The following SLIT3 variants were observed in gnomAD, a reference collection of about 807,000 sequenced individuals.
SLIT3 encodes slit guidance ligand 3.
A neutral mutation model predicts 184.0 loss-of-function variants in SLIT3; 68 were observed. The observed-to-expected ratio is 0.37, with a 90% CI of 0.30 to 0.45. The LOEUF is 0.45. SLIT3 is among the 20% of genes least tolerant of loss of function. The pLI, the probability that SLIT3 is intolerant of heterozygous loss-of-function variation, is 1.00. For missense variants in SLIT3, 1,707 were observed against 2,026.0 expected (o/e 0.84, Z 3.02); for synonymous variants, 831 against 828.6 (o/e 1.00, Z -0.05).
chr5:168,822,983 A>G (rs146498465), intron 7 of SLIT3, among the ~76,000 whole-genome samples: 1 of 152,240 alleles, frequency 6.6e-6, no homozygotes, highest in African/African-American at 2.4e-5. Context: ...AAACATGCAC[A>G]CAACACAGGA....
intron 3 of SLIT3, among the ~76,000 whole-genome samples, chr5:169,229,278 G>GT (rs1007428554): frequency 2.0e-5 from 3 of 151,964 alleles, no homozygotes; most frequent in Admixed American, 1.3e-4. Flanking sequence ...CTAAAATCTA[G>GT]TTTTTTTGAT....
At chr5:168,887,159 T>C (rs10063321) in intron 4 of SLIT3, among the ~76,000 whole-genome samples, 133,513 of 151,966 alleles carry the variant, frequency 0.88, 59,961 homozygotes, top group Non-Finnish European at 0.96. Flanking sequence ...GCTTTGTTCT[T>C]GGAGGAGCAG....
intron 2 of SLIT3, among the ~76,000 whole-genome samples, chr5:169,250,168 G>A (rs1765724389): frequency 6.6e-6 from 1 of 152,124 alleles, no homozygotes; most frequent in Non-Finnish European, 1.5e-5. Context: ...CGCACCTCTG[G>A]TTTCCTCTGC....
At chr5:168,769,643 T>C (rs1306005370) in intron 14 of SLIT3, among the ~76,000 whole-genome samples, 1 of 152,190 alleles carries the variant, frequency 6.6e-6, no homozygotes, top group East Asian at 1.9e-4. Context: ...GTTCTGGGAC[T>C]TCAAATGTGA....
chr5:168,762,303 C>G (rs1305450885), intron 15 of SLIT3, among the ~76,000 whole-genome samples: 2 of 152,168 alleles, frequency 1.3e-5, no homozygotes, highest in African/African-American at 4.8e-5. Flanking sequence ...TGCCGGCTCA[C>G]AGTAGGTGTT....
At chr5:169,065,213 A>G (rs979030235) in intron 4 of SLIT3, among the ~76,000 whole-genome samples, 2 of 152,238 alleles carry the variant, frequency 1.3e-5, no homozygotes, top group Non-Finnish European at 2.9e-5. Context: ...TGCCCTTTTC[A>G]AACCTGCTTC....
At chr5:169,218,316 C>T (rs183940178) in intron 3 of SLIT3, among the ~76,000 whole-genome samples, 16 of 152,308 alleles carry the variant, frequency 1.1e-4, no homozygotes, top group Admixed American at 9.1e-4. Context: ...TGATATCACA[C>T]CTTAGACCCA....
intron 4 of SLIT3, among the ~76,000 whole-genome samples, chr5:168,961,857 C>T (rs553126442): frequency 3.3e-4 from 36 of 110,498 alleles, no homozygotes; most frequent in South Asian, 1.3e-3. Context: ...TGCATGCACG[C>T]ATGTGTGTGT....
At chr5:169,189,527 G>GATATATAT (rs4042723) in intron 4 of SLIT3, among the ~76,000 whole-genome samples, 19 of 80,310 alleles carry the variant, frequency 2.4e-4, no homozygotes, top group African/African-American at 4.1e-4. Context: ...AGATAGATGG[G>GATATATAT]ATATATATAT....
chr5:168,701,541 G>A (rs1432998103), intron 26 of SLIT3, among the ~76,000 whole-genome samples: 1 of 152,200 alleles, frequency 6.6e-6, no homozygotes, highest in African/African-American at 2.4e-5. Context: ...GGCAGCAGGA[G>A]CAGTGAGGGC....
intron 3 of SLIT3, among the ~76,000 whole-genome samples, chr5:169,210,365 G>A (rs10079795): frequency 0.078 from 11,818 of 152,166 alleles, 614 homozygotes; most frequent in African/African-American, 0.14. Flanking sequence ...ACAAAAATGC[G>A]TAACTCTCTC....
intron 4 of SLIT3, among the ~76,000 whole-genome samples, chr5:169,128,532 T>C (rs1761170141): frequency 6.6e-6 from 1 of 152,040 alleles, no homozygotes; most frequent in Non-Finnish European, 1.5e-5. Context: ...GGGTTCAAGC[T>C]ATTCTCCTGC....
chr5:169,102,393 T>C (rs139844643), intron 4 of SLIT3, among the ~76,000 whole-genome samples: 13 of 152,282 alleles, frequency 8.5e-5, no homozygotes, highest in African/African-American at 3.1e-4. Flanking sequence ...TCAGAACCTA[T>C]CCCTAGGACA....
rs929278109 is a variant in SLIT3 at position 169,039,096 on chromosome 5, C to T, written c.413+154383G>A. 4.6e-5 allele frequency among the ~76,000 whole-genome samples: 7 copies of T among 152,026 alleles called. No individual in the cohort carries two copies. In the East Asian group the frequency reaches 5.8e-4, roughly 13 times the overall value. ...TAAGTTTTAGGGTATGTGTGCACAA[C>T]GTGCAGGTTAGTTACATATGTATAC... On this transcript the variant is annotated intron_variant, in intron 4 of 35. Coordinates refer to ENST00000519560, the MANE Select transcript of SLIT3 (RefSeq NM_003062.4).
chr5:169,047,784 G>A (rs975954496), intron 4 of SLIT3, among the ~76,000 whole-genome samples: 10 of 151,900 alleles, frequency 6.6e-5, no homozygotes, highest in African/African-American at 1.7e-4. Flanking sequence ...TGCTCTTCCC[G>A]CTGTGCTCTG....
At chr5:169,130,749 C>T (rs1299645276) in intron 4 of SLIT3, among the ~76,000 whole-genome samples, 1 of 151,962 alleles carries the variant, frequency 6.6e-6, no homozygotes, top group East Asian at 1.9e-4. Flanking sequence ...TAATCTGAAA[C>T]ATGAGGGAAG....
At chr5:168,767,399 A>C (rs964445051) in intron 14 of SLIT3, among the ~76,000 whole-genome samples, 16 of 152,130 alleles carry the variant, frequency 1.1e-4, no homozygotes, top group African/African-American at 3.6e-4. Flanking sequence ...GAACAAGCAA[A>C]ATAAGAGGTA....
intron 1 of SLIT3, among the ~76,000 whole-genome samples, chr5:169,275,966 G>GGTGTCT (rs781567120): frequency 2.0e-5 from 3 of 152,070 alleles, no homozygotes; most frequent in Non-Finnish European, 2.9e-5. Flanking sequence ...AGTGATAAAG[G>GGTGTCT]GTGTACATGT....
intron 14 of SLIT3, among the ~76,000 whole-genome samples, chr5:168,765,333 A>G (rs1177065965): frequency 6.6e-6 from 1 of 152,220 alleles, no homozygotes; most frequent in East Asian, 1.9e-4. Flanking sequence ...TGATTTTGCA[A>G]TTAGATTCGA....
Sources: allele counts gnomAD v4.1 joint callset (sites outside exome capture counted in the v4.1 genomes callset), GRCh38; gene constraint gnomAD v4.1.1; transcripts MANE v1.5; gene names NCBI Gene and HGNC (gene_info 2026-07-23, HGNC 2026-07-21).